The following MAML2 variants were observed in gnomAD, a reference collection of about 807,000 sequenced individuals.
MAML2 encodes mastermind-like protein 2.
A neutral mutation model predicts 96.1 loss-of-function variants in MAML2; 22 were observed. That is an observed-to-expected ratio of 0.23 (90% CI 0.16 to 0.33). The LOEUF (loss-of-function observed/expected upper bound fraction) is 0.33. MAML2 is among the 10% of genes least tolerant of loss of function. The pLI is 1.00. For synonymous variants in MAML2, 561 were observed against 521.3 expected (o/e 1.08, Z -1.04); for missense variants, 1,367 against 1,392.4 (o/e 0.98, Z 0.29).
At chr11:96,183,825 C>G (rs1230006990) in intron 1 of MAML2, among the ~76,000 whole-genome samples, 1 of 152,120 alleles carries the variant, frequency 6.6e-6, no homozygotes, top group Non-Finnish European at 1.5e-5. Flanking sequence ...GACTGTTTTT[C>G]TCTATTTCTA....
intron 1 of MAML2, among the ~76,000 whole-genome samples, chr11:96,158,065 A>T (rs554396408): frequency 6.6e-6 from 1 of 152,162 alleles, no homozygotes; most frequent in East Asian, 1.9e-4. Context: ...TATAAATCAT[A>T]TTTCCTGTTC....
chr11:96,091,944 T>C lies in MAML2; in HGVS notation c.2087A>G (p.Gln696Arg), dbSNP rs1340628324. ...LQQKLLLQQM[Q>R]NQPIAGMGYQ... ...TCCCATTCCTGCAATGGGCTGATTCTGCATTTGCTGAAGTAGGAGCTTTTG... is the reference window on the plus strand; with the variant it reads ...TCCCATTCCTGCAATGGGCTGATTCCGCATTTGCTGAAGTAGGAGCTTTTG... Residue 696 changes from glutamine (Q) to arginine (R), a missense_variant, in exon 2 of 5, where the codon CAG becomes CGG. Coordinates refer to ENST00000524717, the MANE Select transcript of MAML2 (RefSeq NM_032427.4). The C allele has an allele frequency of 1.2e-5, 20 of 1,612,866 alleles. No homozygotes were observed. Among genetic ancestry groups the C allele is most frequent in the Admixed American group, 1.7e-5 (1 of 59,876 alleles).
intron 1 of MAML2, among the ~76,000 whole-genome samples, chr11:96,178,121 C>A: frequency 6.8e-6 from 1 of 147,704 alleles, no homozygotes; most frequent in Non-Finnish European, 1.5e-5. Context: ...CACAGCCAGG[C>A]TGAGACATCA....
intron 1 of MAML2, among the ~76,000 whole-genome samples, chr11:96,207,677 A>T (rs1861913267): frequency 6.6e-6 from 1 of 152,220 alleles, no homozygotes; most frequent in Admixed American, 6.5e-5. Context: ...GCTGTCCCTT[A>T]AAAATTGTCC....
At chr11:96,039,869 A>G (rs1387118711) in intron 2 of MAML2, among the ~76,000 whole-genome samples, 1 of 150,786 alleles carries the variant, frequency 6.6e-6, no homozygotes, top group Non-Finnish European at 1.5e-5. Context: ...GAGGCAGGAG[A>G]ATGGCGTGAA....
intron 2 of MAML2, among the ~76,000 whole-genome samples, chr11:96,066,475 T>C (rs2135783513): frequency 6.6e-6 from 1 of 152,308 alleles, no homozygotes; most frequent in African/African-American, 2.4e-5. Flanking sequence ...ATAGGTGGAC[T>C]GGACAACACA....
chr11:96,091,651 A>T (rs1340036786), intron 2 of MAML2, among the ~76,000 whole-genome samples: 1 of 152,216 alleles, frequency 6.6e-6, no homozygotes, highest in African/African-American at 2.4e-5. Context: ...ATTCTGAGTA[A>T]GCAAGAACCT....
chr11:96,237,401 G>A (rs759840496), intron 1 of MAML2, among the ~76,000 whole-genome samples: 7 of 152,124 alleles, frequency 4.6e-5, no homozygotes, highest in African/African-American at 9.7e-5. Flanking sequence ...ACTGCCTATC[G>A]CACAATTAAC....
intron 1 of MAML2, among the ~76,000 whole-genome samples, chr11:96,223,335 T>G (rs1862167162): frequency 6.6e-6 from 1 of 152,204 alleles, no homozygotes; most frequent in African/African-American, 2.4e-5. Context: ...GACATTTTGT[T>G]GACTTCAAGA....
chr11:96,152,136 T>G (rs35683649), intron 1 of MAML2, among the ~76,000 whole-genome samples: 1 of 152,054 alleles, frequency 6.6e-6, no homozygotes, highest in Non-Finnish European at 1.5e-5. Flanking sequence ...GGTGGCAAGT[T>G]CACTAAGCCC....
At chr11:96,239,645 T>C (rs1862406923) in intron 1 of MAML2, among the ~76,000 whole-genome samples, 3 of 152,200 alleles carry the variant, frequency 2.0e-5, no homozygotes, top group Admixed American at 6.5e-5. Context: ...GTTTCAAATT[T>C]GGGGGCTACC....
intron 1 of MAML2, among the ~76,000 whole-genome samples, chr11:96,265,415 A>G (rs1415093597): frequency 6.7e-6 from 1 of 150,160 alleles, no homozygotes; most frequent in Non-Finnish European, 1.5e-5. Flanking sequence ...GTCCTGTTCA[A>G]AAGAGAAGGA....
intron 1 of MAML2, among the ~76,000 whole-genome samples, chr11:96,201,478 A>T (rs1349103547): frequency 6.6e-6 from 1 of 152,260 alleles, no homozygotes. Context: ...TTCTGAGACC[A>T]CTAGGACTAT....
chr11:96,331,873 G>A (rs1863859066), intron 1 of MAML2, among the ~76,000 whole-genome samples: 2 of 150,836 alleles, frequency 1.3e-5, no homozygotes, highest in East Asian at 2.0e-4. Flanking sequence ...GATTTGGTCT[G>A]TCTTCTCTCT....
At chr11:96,257,108 G>A (rs962392616) in intron 1 of MAML2, among the ~76,000 whole-genome samples, 1 of 152,240 alleles carries the variant, frequency 6.6e-6, no homozygotes, top group East Asian at 1.9e-4. Flanking sequence ...AGCATTTTGA[G>A]AGGTTTTTCT....
chr11:96,077,383 G>A (rs1241950831), intron 2 of MAML2, among the ~76,000 whole-genome samples: 1 of 151,744 alleles, frequency 6.6e-6, no homozygotes, highest in Non-Finnish European at 1.5e-5. Context: ...ACCATGCCCA[G>A]CTAATTTTTG....
At chr11:95,990,765 G>A (rs1437698292) in intron 3 of MAML2, among the ~76,000 whole-genome samples, 1 of 151,992 alleles carries the variant, frequency 6.6e-6, no homozygotes, top group Non-Finnish European at 1.5e-5. Flanking sequence ...TATCTTTTCT[G>A]TATACTTTAG....
At chr11:96,230,770 C>T (rs193264925) in intron 1 of MAML2, among the ~76,000 whole-genome samples, 18 of 152,198 alleles carry the variant, frequency 1.2e-4, no homozygotes, top group African/African-American at 1.9e-4. Flanking sequence ...GGGAACAATA[C>T]GAAGCCTAAT....
chr11:96,072,565 T>A (rs1830531504), intron 2 of MAML2, among the ~76,000 whole-genome samples: 1 of 152,198 alleles, frequency 6.6e-6, no homozygotes. Context: ...ATAGTTTACA[T>A]AAAGTAAGCT....
Sources: allele counts gnomAD v4.1 joint callset (sites outside exome capture counted in the v4.1 genomes callset), GRCh38; gene constraint gnomAD v4.1.1; transcripts MANE v1.5; gene names NCBI Gene and HGNC (gene_info 2026-07-23, HGNC 2026-07-21).